The following CCDC192 variants were observed in gnomAD, a reference collection of about 807,000 sequenced individuals.
The protein encoded by CCDC192 is coiled-coil domain-containing protein 192.
chr5:127,750,750 A>G (rs1305447589), intron 2 of CCDC192, among the ~76,000 whole-genome samples: 1 of 145,624 alleles, frequency 6.9e-6, no homozygotes, highest in Non-Finnish European at 1.5e-5. Context: ...TGGGAGTCTA[A>G]GTCTCTTTGT....
In CCDC192 at chr5:127,911,205, C is replaced by T. The variant is rs146480209; in HGVS notation, c.536-29977C>T. Among the ~76,000 whole-genome samples the T allele has an allele frequency of 1.4e-3, 214 of 152,250 alleles. 2 individuals carry two copies. The East Asian group carries it at 0.015, about 11-fold the overall frequency. On this transcript the variant is annotated intron_variant, in intron 6 of 6. Transcript: ENST00000514853. ...TGTCAACAAATATTTGTGGAACATC[C>T]ATTGTGGGTCATAAAATTGTTCAAG...
chr5:127,709,202 GGAGAGAGA>G (rs201676720), intron 2 of CCDC192, among the ~76,000 whole-genome samples: 13 of 85,766 alleles, frequency 1.5e-4, no homozygotes, highest in South Asian at 6.1e-4. Context: ...GGAGAGAGGG[GGAGAGAGA>G]GAGAGAGAGA....
chr5:127,879,518 T>C (rs1487645476), intron 6 of CCDC192, among the ~76,000 whole-genome samples: 5 of 71,926 alleles, frequency 7.0e-5, no homozygotes, highest in East Asian at 3.2e-4. Flanking sequence ...ATTCAGGACA[T>C]AGGCACGGGC....
rs540628735 is a variant in CCDC192, at chr5:127,709,102, GGA to G, written c.114+1362_114+1363del. Among the ~76,000 whole-genome samples the G allele has an allele frequency of 4.8e-3, 277 of 57,282 alleles. 2 individuals are homozygous for G. The highest frequency in any genetic ancestry group is 0.017 in the African/African-American group (250 of 14,484). The allele number at this position is 57,282 out of a possible 152,430, so 37.6% of individuals were successfully genotyped here. A position where few individuals can be genotyped will look rare whatever the true frequency, so the allele number is the denominator to read the frequency against. ...CGAGGCATGTCACACAGTGGGAGCA[GGA>G]GAGAGAGAGAGAGAGAGAGGGAGAG... On this transcript the variant is annotated intron_variant, in intron 2 of 6. Coordinates refer to ENST00000514853, the MANE Select transcript of CCDC192 (RefSeq NM_001317938.2).
intron 5 of CCDC192, among the ~76,000 whole-genome samples, chr5:127,870,021 A>T (rs1751780334): frequency 6.6e-6 from 1 of 152,168 alleles, no homozygotes; most frequent in South Asian, 2.1e-4. Context: ...TTGTGTATCA[A>T]CTAGCTCCCC....
At chr5:127,777,312 G>C (rs1425010645) in intron 3 of CCDC192, among the ~76,000 whole-genome samples, 1 of 152,204 alleles carries the variant, frequency 6.6e-6, no homozygotes, top group Non-Finnish European at 1.5e-5. Flanking sequence ...CTGGATTTCA[G>C]ATCTGCCTGG....
intron 6 of CCDC192, among the ~76,000 whole-genome samples, chr5:127,928,789 G>A (rs35941177): frequency 0.18 from 27,281 of 150,690 alleles, 2,892 homozygotes; most frequent in Middle Eastern, 0.28. Flanking sequence ...TTTTTAAGAC[G>A]GAGTCTCGCT....
chr5:127,795,266 G>C (rs1237599989), intron 3 of CCDC192, among the ~76,000 whole-genome samples: 1 of 148,444 alleles, frequency 6.7e-6, no homozygotes, highest in Non-Finnish European at 1.5e-5. Flanking sequence ...TTCCAATTTG[G>C]GTGACAAGGT....
intron 2 of CCDC192, among the ~76,000 whole-genome samples, chr5:127,747,578 T>A (rs1327504853): frequency 6.6e-6 from 1 of 151,812 alleles, no homozygotes; most frequent in Non-Finnish European, 1.5e-5. Flanking sequence ...CGTGTGCATG[T>A]GTCTTTATAG....
At chr5:127,775,558 A>G (rs924705565) in intron 3 of CCDC192, among the ~76,000 whole-genome samples, 3 of 152,194 alleles carry the variant, frequency 2.0e-5, no homozygotes, top group African/African-American at 7.2e-5. Context: ...TTCAGTGGCA[A>G]TCATCTCCTG....
At chr5:127,826,803 A>G (rs1235445855) in intron 5 of CCDC192, among the ~76,000 whole-genome samples, 2 of 152,024 alleles carry the variant, frequency 1.3e-5, no homozygotes, top group East Asian at 3.9e-4. Flanking sequence ...AAAAAATAAT[A>G]ATAAAATAAA....
intron 6 of CCDC192, among the ~76,000 whole-genome samples, chr5:127,919,073 ATG>A (rs70997353): frequency 0.042 from 5,797 of 136,598 alleles, 165 homozygotes; most frequent in East Asian, 0.048. Flanking sequence ...GTGTGTATAT[ATG>A]TGTGTGTGTG....
In CCDC192 at chr5:127,719,506, C is replaced by CATATATAT. The variant is rs71575704; in HGVS notation, c.114+11758_114+11765dup. Among the ~76,000 whole-genome samples the CATATATAT allele has an allele frequency of 9.6e-5, 12 of 124,410 alleles. 1 individual carries two copies. The highest frequency in any genetic ancestry group is 4.0e-4 in the African/African-American group (11 of 27,778). The allele number at this position is 124,410 out of a possible 152,430, so 81.6% of individuals were successfully genotyped here. A position where few individuals can be genotyped will look rare whatever the true frequency, so the allele number is the denominator to read the frequency against. ...ATATATATATATATACACACACATA[C>CATATATAT]ATATATATATATATATATACACACA... On this transcript the variant is annotated intron_variant, in intron 2 of 6. Coordinates refer to ENST00000514853, the MANE Select transcript of CCDC192 (RefSeq NM_001317938.2).
At chr5:127,794,489 C>G (rs187765804) in intron 3 of CCDC192, among the ~76,000 whole-genome samples, 1 of 152,126 alleles carries the variant, frequency 6.6e-6, no homozygotes, top group Admixed American at 6.5e-5. Flanking sequence ...TGCAGACTGT[C>G]TGACATGTAG....
intron 6 of CCDC192, among the ~76,000 whole-genome samples, chr5:127,882,695 A>C (rs1733122547): frequency 6.6e-6 from 1 of 152,230 alleles, no homozygotes; most frequent in African/African-American, 2.4e-5. Flanking sequence ...GTCAAGTGTA[A>C]GTGTATTTTA....
chr5:127,807,435 C>T (rs2126992271), intron 5 of CCDC192, among the ~76,000 whole-genome samples: 1 of 152,130 alleles, frequency 6.6e-6, no homozygotes, highest in Admixed American at 6.5e-5. Context: ...AAGCTATCTG[C>T]TTGTCATTTA....
intron 5 of CCDC192, among the ~76,000 whole-genome samples, chr5:127,825,076 A>G (rs995147395): frequency 6.6e-6 from 1 of 152,224 alleles, no homozygotes; most frequent in African/African-American, 2.4e-5. Context: ...AAAACAAAAA[A>G]CTAAGGTATC....
In CCDC192 at chr5:127,780,304, T is replaced by A. The variant is rs550609201; in HGVS notation, c.223-16799T>A. ...CCAAGTATCTTTTTCGTACAACGAC[T>A]TATTTTCCTCTGGGTAAATATCCAG... On this transcript the variant is annotated intron_variant, in intron 3 of 6. Transcript: ENST00000514853. 3.3e-5 allele frequency among the ~76,000 whole-genome samples: 5 copies of A among 152,328 alleles called. No individual in the cohort carries two copies. In the East Asian group the frequency reaches 9.6e-4, roughly 29 times the overall value.
At chr5:127,779,224 T>G (rs1329788317) in intron 3 of CCDC192, among the ~76,000 whole-genome samples, 2 of 152,218 alleles carry the variant, frequency 1.3e-5, no homozygotes, top group African/African-American at 4.8e-5. Flanking sequence ...CTGCATCACA[T>G]AAGTTTTTTT....
Sources: gnomAD v4.1 joint callset for allele counts (sites outside exome capture counted in the v4.1 genomes callset) on GRCh38, gnomAD v4.1.1 for gene constraint, MANE v1.5 for transcripts, NCBI Gene and HGNC (gene_info 2026-07-23, HGNC 2026-07-21) for gene names.